TENM3: variants seen among roughly 807,000 people sequenced by gnomAD.
TENM3 encodes the protein teneurin-3.
Under a neutral mutation model 255.1 loss-of-function variants are expected in TENM3, and 63 were observed. That is an observed-to-expected ratio of 0.25 (90% confidence interval 0.20 to 0.30). TENM3 has a LOEUF of 0.30. Ranked by LOEUF, TENM3 falls within the 10% of genes least tolerant of loss-of-function variation. TENM3 has a pLI of 1.00. For synonymous variants in TENM3, 1,306 were observed against 1,322.3 expected (o/e 0.99, Z 0.27); for missense variants, 2,929 against 3,461.1 (o/e 0.85, Z 3.86).
At chr4:182,299,226 A>C (rs1761703769) in intron 1 of TENM3, among the ~76,000 whole-genome samples, 1 of 151,944 alleles carries the variant, frequency 6.6e-6, no homozygotes, top group Admixed American at 6.6e-5. Context: ...TGAAAAATGA[A>C]AAACAGATTC....
intron 3 of TENM3, among the ~76,000 whole-genome samples, chr4:182,586,778 A>G (rs1334261556): frequency 6.6e-6 from 1 of 152,202 alleles, no homozygotes; most frequent in Admixed American, 6.5e-5. Context: ...TGAATATTTG[A>G]TTTGACTTTG....
intron 5 of TENM3, among the ~76,000 whole-genome samples, chr4:182,643,326 A>G (rs959514051): frequency 6.6e-6 from 1 of 152,244 alleles, no homozygotes; most frequent in Non-Finnish European, 1.5e-5. Context: ...CGTATGTATA[A>G]CATGATAGTT....
chr4:181,645,886 C>T, the TENM3 span, among the ~76,000 whole-genome samples: 3 of 152,166 alleles, frequency 2.0e-5, no homozygotes, highest in Non-Finnish European at 1.5e-5. Context: ...TCTAGCCTTG[C>T]ACATCGTTTT....
At chr4:181,541,933 G>C in the TENM3 span, among the ~76,000 whole-genome samples, 1 of 152,164 alleles carries the variant, frequency 6.6e-6, no homozygotes, top group African/African-American at 2.4e-5. Flanking sequence ...ACAGAAATTG[G>C]AAGTTGTGTC....
the TENM3 span, among the ~76,000 whole-genome samples, chr4:181,912,485 G>A: frequency 6.6e-6 from 1 of 152,136 alleles, no homozygotes; most frequent in Admixed American, 6.6e-5. Flanking sequence ...CAACATGAGA[G>A]TTTTTAAGAT....
At chr4:182,578,926 T>G (rs2152049433) in intron 3 of TENM3, among the ~76,000 whole-genome samples, 1 of 152,336 alleles carries the variant, frequency 6.6e-6, no homozygotes, top group South Asian at 2.1e-4. Context: ...TAGTCTACAC[T>G]TTAAGCCTTC....
At chr4:181,564,887 A>C in the TENM3 span, among the ~76,000 whole-genome samples, 1 of 152,116 alleles carries the variant, frequency 6.6e-6, no homozygotes, top group Non-Finnish European at 1.5e-5. Context: ...TCTCTGTGAT[A>C]TCTCAGTGGG....
intron 22 of TENM3, 133 bp from the exon 23 acceptor site, chr4:182,773,339 C>G: frequency 2.6e-6 from 2 of 773,126 alleles, no homozygotes; most frequent in Non-Finnish European, 4.0e-6. Flanking sequence ...GAAGTCTTCA[C>G]TCTGCATCGC....
At position 182,793,669 on chromosome 4, in the gene TENM3, C is replaced by G. The variant is rs763701293; in HGVS notation, c.6997C>G (p.Gln2333Glu). 1 of 1,613,956 alleles carries G rather than the reference C, an allele frequency of 6.2e-7. No individual in the cohort carries two copies. Among genetic ancestry groups the G allele is most frequent in the Non-Finnish European group, 8.5e-7 (1 of 1,179,824 alleles). The change falls in exon 26 of 28, where the codon CAA becomes GAA. Residue 2333 changes from glutamine to glutamate, a missense_variant. This residue lies in a region of TENM3 where 256 missense variants were observed against 389.3 expected (regional missense o/e 0.66). Transcript: ENST00000511685. This position sits in a 1 kb window ranked among gnomAD's most constrained non-coding sequence, Gnocchi z 5.7. ...EIYFDSNIDF[Q>E]LVIGFHGGLY... Reference sequence around the variant, plus strand: ...CTATTTTGACTCTAATATTGACTTTCAACTGGTAATTGGATTTCATGGTGG... The same window carrying G: ...CTATTTTGACTCTAATATTGACTTTGAACTGGTAATTGGATTTCATGGTGG...
At chr4:182,417,819 A>C (rs1004367075) in intron 3 of TENM3, among the ~76,000 whole-genome samples, 1 of 152,192 alleles carries the variant, frequency 6.6e-6, no homozygotes, top group East Asian at 1.9e-4. Flanking sequence ...TCATTTTGCT[A>C]TTTTCTTTGT....
chr4:181,791,855 C>T, the TENM3 span, among the ~76,000 whole-genome samples: 18 of 152,156 alleles, frequency 1.2e-4, no homozygotes, highest in East Asian at 5.8e-4. Context: ...AAGTAGGCAA[C>T]GGACACTGTG....
the TENM3 span, among the ~76,000 whole-genome samples, chr4:182,122,906 G>T: frequency 6.6e-6 from 1 of 152,152 alleles, no homozygotes; most frequent in Admixed American, 6.5e-5. Context: ...CTTCATCAAT[G>T]ACCTCAGCTA....
At chr4:182,769,552 G>A (rs920321344) in intron 22 of TENM3, among the ~76,000 whole-genome samples, 6 of 152,214 alleles carry the variant, frequency 3.9e-5, no homozygotes, top group South Asian at 2.1e-4. Flanking sequence ...GGGAGGCCGA[G>A]GCGGGAGGAT....
At chr4:182,349,889 G>C (rs1393116935) in intron 3 of TENM3, 2 of 334,266 alleles carry the variant, frequency 6.0e-6, no homozygotes, top group African/African-American at 4.5e-5. Context: ...AGGTTGAAAA[G>C]AGAAGGAGAT....
At chr4:181,609,815 A>G in the TENM3 span, among the ~76,000 whole-genome samples, 3 of 152,238 alleles carry the variant, frequency 2.0e-5, no homozygotes, top group African/African-American at 4.8e-5. Flanking sequence ...CGATTTTAAC[A>G]AATGTATGAG....
At chr4:181,748,423 T>A in the TENM3 span, among the ~76,000 whole-genome samples, 4 of 152,062 alleles carry the variant, frequency 2.6e-5, no homozygotes, top group African/African-American at 9.6e-5. Flanking sequence ...TGGTCAATAA[T>A]AGAACATAGA....
the TENM3 span, among the ~76,000 whole-genome samples, chr4:181,842,779 A>T: frequency 3.9e-5 from 6 of 152,334 alleles, 1 homozygote; most frequent in Admixed American, 6.5e-5. Context: ...GTGTATTGAT[A>T]TTATTGATCA....
At chr4:182,349,779 G>T in intron 3 of TENM3, 1 of 298,666 alleles carries the variant, frequency 3.3e-6, no homozygotes, top group Non-Finnish European at 6.5e-6. Context: ...AGATTTTCTG[G>T]TTATATTTTC....
chr4:181,713,035 T>A, the TENM3 span, among the ~76,000 whole-genome samples: 1 of 152,182 alleles, frequency 6.6e-6, no homozygotes, highest in Non-Finnish European at 1.5e-5. Flanking sequence ...AAAAGGAAAT[T>A]ATTTACTCAT....
Sources: gnomAD v4.1 joint callset for allele counts (sites outside exome capture counted in the v4.1 genomes callset) on GRCh38, gnomAD v4.1.1 for gene constraint, gnomAD v4.1.1 regional missense constraint, Gnocchi (gnomAD v3.1) non-coding constraint, MANE v1.5 for transcripts, NCBI Gene and HGNC (gene_info 2026-07-23, HGNC 2026-07-21) for gene names.